The following PCDH15 variants were observed in gnomAD, a reference collection of about 807,000 sequenced individuals.
PCDH15 encodes the protein protocadherin related 15, also known as protocadherin-15.
PCDH15 carries 129 observed loss-of-function variants against 178.5 expected under a neutral mutation model. The ratio of observed to expected loss-of-function variants is 0.72; its 90% confidence interval spans 0.63 to 0.84. PCDH15 has a LOEUF of 0.84. PCDH15 is among the 40% of genes least tolerant of loss of function. PCDH15 has a pLI of 0.00. For missense variants in PCDH15, 2,230 were observed against 2,099.9 expected (o/e 1.06, Z -1.21); for synonymous variants, 800 against 732.0 (o/e 1.09, Z -1.50).
chr10:55,529,778 T>TATATATATATATATA (rs1841405590), intron 2 of PCDH15, among the ~76,000 whole-genome samples: 6 of 138,302 alleles, frequency 4.3e-5, no homozygotes, highest in South Asian at 2.3e-4. Flanking sequence ...TATATATATA[T>TATATATATATATATA]TTGATTACCA....
intron 2 of PCDH15, among the ~76,000 whole-genome samples, chr10:55,089,987 G>C (rs1476523495): frequency 6.6e-6 from 1 of 151,932 alleles, no homozygotes; most frequent in African/African-American, 2.4e-5. Flanking sequence ...ATTTAATAAT[G>C]GAGGTTATTA....
intron 25 of PCDH15, among the ~76,000 whole-genome samples, chr10:53,916,398 C>T (rs1340165015): frequency 6.6e-6 from 1 of 151,628 alleles, no homozygotes; most frequent in African/African-American, 2.4e-5. Flanking sequence ...ATTGTAATCA[C>T]CAAAATAGGA....
chr10:55,152,039 T>C (rs1054642150), intron 2 of PCDH15, among the ~76,000 whole-genome samples: 8 of 152,138 alleles, frequency 5.3e-5, no homozygotes, highest in African/African-American at 1.9e-4. Context: ...GATGGGATGG[T>C]AAAAGAGTCA....
intron 18 of PCDH15, among the ~76,000 whole-genome samples, chr10:54,065,005 G>A (rs1336811875): frequency 1.3e-5 from 2 of 152,188 alleles, no homozygotes; most frequent in East Asian, 1.9e-4. Context: ...CTCCTCTGCT[G>A]TAGCTGGTGT....
At chr10:54,224,368 A>G (rs187481619) in intron 9 of PCDH15, among the ~76,000 whole-genome samples, 1 of 152,298 alleles carries the variant, frequency 6.6e-6, no homozygotes, top group East Asian at 1.9e-4. Context: ...ATGTAAAAAC[A>G]TTGTACGAGA....
At chr10:55,581,724 GA>G (rs1842618633) in intron 2 of PCDH15, among the ~76,000 whole-genome samples, 1 of 152,080 alleles carries the variant, frequency 6.6e-6, no homozygotes, top group Non-Finnish European at 1.5e-5. Flanking sequence ...CTGTCTGAAG[GA>G]CCTGGTATAT....
chr10:55,449,799 C>A (rs981431278), intron 2 of PCDH15, among the ~76,000 whole-genome samples: 1 of 152,070 alleles, frequency 6.6e-6, no homozygotes, highest in African/African-American at 2.4e-5. Context: ...ACCCTTGGGT[C>A]ATAGATTCTG....
intron 1 of PCDH15, among the ~76,000 whole-genome samples, chr10:54,719,722 G>A (rs370922946): frequency 9.9e-5 from 15 of 151,602 alleles, no homozygotes; most frequent in South Asian, 2.1e-4. Context: ...TTTCCCCTTC[G>A]TGTGTCCATG....
At chr10:54,500,385 C>A (rs1003668710) in intron 3 of PCDH15, among the ~76,000 whole-genome samples, 2 of 152,076 alleles carry the variant, frequency 1.3e-5, no homozygotes, top group Non-Finnish European at 2.9e-5. Flanking sequence ...TTCACCAAAC[C>A]ACAGTGACAT....
intron 8 of PCDH15, among the ~76,000 whole-genome samples, chr10:54,290,395 G>A (rs2059322056): frequency 6.6e-6 from 1 of 152,296 alleles, no homozygotes; most frequent in Admixed American, 6.5e-5. Context: ...TCTGAAGGAA[G>A]CAGTAAAGAT....
chr10:54,363,317 T>C (rs1218823651), intron 5 of PCDH15, among the ~76,000 whole-genome samples: 1 of 152,186 alleles, frequency 6.6e-6, no homozygotes, highest in African/African-American at 2.4e-5. Context: ...TCATTTATCA[T>C]ACATGGAAAA....
In PCDH15 at chr10:54,833,899, T is replaced by G. The variant is rs192859056; in HGVS notation, c.-29+63551A>C. ...TTGATCATGGGTAGATCGGGTGTTT[T>G]GGGAGTTAGGGGGAATTGACCAATT... On this transcript the variant is annotated intron_variant, in intron 3 of 5. Transcript: ENST00000458638. Among the ~76,000 whole-genome samples, 571 of 152,174 alleles carry G rather than the reference T, an allele frequency of 3.8e-3. 2 individuals are homozygous for G. Among genetic ancestry groups the G allele is most frequent in the Non-Finnish European group, 6.8e-3 (460 of 67,998 alleles).
intron 23 of PCDH15, among the ~76,000 whole-genome samples, chr10:53,945,048 G>A (rs576868271): frequency 1.7e-4 from 26 of 152,182 alleles, no homozygotes; most frequent in South Asian, 4.1e-4. Flanking sequence ...AATAGAATCC[G>A]AAATAATATT....
At chr10:55,260,587 T>C (rs1335017494) in intron 1 of PCDH15, among the ~76,000 whole-genome samples, 1 of 152,106 alleles carries the variant, frequency 6.6e-6, no homozygotes, top group African/African-American at 2.4e-5. Context: ...ATTTATACAA[T>C]CTTAAAAAAA....
chr10:54,640,475 A>G (rs2093963433), intron 2 of PCDH15, among the ~76,000 whole-genome samples: 2 of 152,120 alleles, frequency 1.3e-5, no homozygotes, highest in African/African-American at 4.8e-5. Flanking sequence ...TGTTTTACTG[A>G]ACAATGATTT....
chr10:54,953,401 T>A (rs115528377), intron 2 of PCDH15, among the ~76,000 whole-genome samples: 245 of 151,586 alleles, frequency 1.6e-3, no homozygotes, highest in African/African-American at 5.4e-3. Flanking sequence ...TTTTAGTACA[T>A]TGTTGGATTC....
At chr10:54,779,390 C>T (rs952820864) in intron 1 of PCDH15, among the ~76,000 whole-genome samples, 1 of 97,772 alleles carries the variant, frequency 1.0e-5, no homozygotes, top group East Asian at 3.7e-4. Context: ...CTGTCTCTCT[C>T]TCTCTATATA....
chr10:55,350,800 T>C (rs188198474), intron 2 of PCDH15, among the ~76,000 whole-genome samples: 1 of 152,116 alleles, frequency 6.6e-6, no homozygotes, highest in Admixed American at 6.6e-5. Flanking sequence ...TTTCTTTTCT[T>C]GTTTTTTTAC....
intron 3 of PCDH15, among the ~76,000 whole-genome samples, chr10:54,459,033 T>C (rs1455753646): frequency 1.3e-5 from 2 of 152,132 alleles, no homozygotes; most frequent in African/African-American, 4.8e-5. Context: ...GGGTTTTCTC[T>C]GGGTACTCTG....
Sources: allele counts gnomAD v4.1 joint callset (sites outside exome capture counted in the v4.1 genomes callset), GRCh38; gene constraint gnomAD v4.1.1; transcripts MANE v1.5; gene names NCBI Gene and HGNC (gene_info 2026-07-23, HGNC 2026-07-21).